The following PARD3B variants were observed in gnomAD, a reference collection of about 807,000 sequenced individuals.
The protein encoded by PARD3B is partitioning defective 3 homolog B.
PARD3B carries 103 observed loss-of-function variants against 130.2 expected under a neutral mutation model. That is an observed-to-expected ratio of 0.79 (90% CI 0.67 to 0.93). The LOEUF is 0.93. Ranked by LOEUF, PARD3B falls within the 40% of genes least tolerant of loss-of-function variation. The probability of loss-of-function intolerance (pLI) is 0.00; values close to 1 mark genes in which losing one functional copy is unlikely to be tolerated. For missense variants in PARD3B, 1,609 were observed against 1,499.2 expected, an observed-to-expected ratio of 1.07 and a Z score of -1.21; for synonymous variants, 583 against 553.2, an observed-to-expected ratio of 1.05 and a Z score of -0.76.
At chr2:204,739,671 C>G (rs1045839663) in intron 2 of PARD3B, among the ~76,000 whole-genome samples, 1 of 151,942 alleles carries the variant, frequency 6.6e-6, no homozygotes, top group Non-Finnish European at 1.5e-5. Context: ...GGAATGTTAC[C>G]CAGGCTGGTC....
rs189151517 is a variant in PARD3B, at chr2:204,900,540, T to G, written c.223-64612T>G. ...CTTCTCTGTGTTATCTTGAATTTCATTGAGTTTCCTCAAAACAGCTATTTT... is the reference window on the plus strand; with the variant it reads ...CTTCTCTGTGTTATCTTGAATTTCAGTGAGTTTCCTCAAAACAGCTATTTT... On this transcript the variant is annotated intron_variant, in intron 2 of 22. Transcript: ENST00000406610. Among the ~76,000 whole-genome samples, 4 of 152,254 alleles carry G rather than the reference T, an allele frequency of 2.6e-5. No individual in the cohort carries two copies. The East Asian group carries it at 7.7e-4, about 29-fold the overall frequency.
intron 21 of PARD3B, among the ~76,000 whole-genome samples, chr2:205,504,752 A>G (rs372755306): frequency 1.7e-4 from 26 of 152,244 alleles, no homozygotes; most frequent in African/African-American, 4.8e-4. Context: ...AGGTGCTGGA[A>G]AGGATGTGGA....
intron 1 of PARD3B, among the ~76,000 whole-genome samples, chr2:204,637,118 A>G (rs1043262721): frequency 1.3e-5 from 2 of 152,060 alleles, no homozygotes; most frequent in Admixed American, 6.6e-5. Context: ...ATTTTTGTAC[A>G]ATTAATCTGG....
chr2:205,512,362 G>T (rs2050619799), intron 21 of PARD3B, among the ~76,000 whole-genome samples: 1 of 152,074 alleles, frequency 6.6e-6, no homozygotes, highest in Admixed American at 6.6e-5. Context: ...ATATAATGTT[G>T]CTGTTATAAA....
At chr2:205,217,506 A>C (rs1461045016) in intron 15 of PARD3B, among the ~76,000 whole-genome samples, 1 of 152,144 alleles carries the variant, frequency 6.6e-6, no homozygotes, top group African/African-American at 2.4e-5. Context: ...AGAGAATCAT[A>C]GTACCATCTT....
At position 204,610,440 on chromosome 2, in the gene PARD3B, C is replaced by T. The variant is rs111270031; in HGVS notation, c.120+64321C>T. 6.4e-3 allele frequency among the ~76,000 whole-genome samples: 976 copies of T among 152,276 alleles called. 6 individuals carry two copies. The highest frequency in any genetic ancestry group is 0.023 in the African/African-American group (941 of 41,548). On this transcript the variant is annotated intron_variant, in intron 1 of 22. Transcript: ENST00000406610. The surrounding 1 kb of genome is among the most constrained non-coding windows in gnomAD (Gnocchi z 4.1). ...GCACGGTCTTGGCTTACTGCAACCT[C>T]GACCTCCCATGTTAAAGCGATTCTC... is the stretch of plus-strand genomic sequence containing the variant.
intron 2 of PARD3B, among the ~76,000 whole-genome samples, chr2:204,896,098 C>A (rs977159487): frequency 6.6e-6 from 1 of 152,156 alleles, no homozygotes; most frequent in African/African-American, 2.4e-5. Context: ...AAGTTTTCTG[C>A]TGTGGGACCT....
At chr2:205,231,892 C>T (rs1179238974) in intron 15 of PARD3B, among the ~76,000 whole-genome samples, 1 of 152,072 alleles carries the variant, frequency 6.6e-6, no homozygotes, top group Non-Finnish European at 1.5e-5. Context: ...AGGGAACTAC[C>T]AAGGCTAGGC....
intron 1 of PARD3B, among the ~76,000 whole-genome samples, chr2:204,648,360 A>G (rs1298840984): frequency 6.6e-6 from 1 of 150,656 alleles, no homozygotes; most frequent in Non-Finnish European, 1.5e-5. Flanking sequence ...TTAGATGCCC[A>G]CTGGTGGTAT....
intron 4 of PARD3B, among the ~76,000 whole-genome samples, chr2:205,080,114 A>G (rs923063946): frequency 4.6e-5 from 7 of 152,128 alleles, no homozygotes; most frequent in African/African-American, 7.2e-5. Flanking sequence ...CCTGGCTCCT[A>G]TTTTGTTTCA....
intron 22 of PARD3B, among the ~76,000 whole-genome samples, chr2:205,576,747 C>A (rs182343268): frequency 1.4e-4 from 22 of 152,150 alleles, no homozygotes; most frequent in Admixed American, 9.8e-4. Context: ...TAAGTTTATT[C>A]TTCTCCTTCA....
At chr2:205,422,099 T>C (rs768249930) in intron 19 of PARD3B, among the ~76,000 whole-genome samples, 1 of 152,074 alleles carries the variant, frequency 6.6e-6, no homozygotes, top group Non-Finnish European at 1.5e-5. Flanking sequence ...GAAAATAAAC[T>C]AGAGCAATGT....
chr2:205,255,827 C>G (rs2040058727), intron 16 of PARD3B, among the ~76,000 whole-genome samples: 1 of 152,132 alleles, frequency 6.6e-6, no homozygotes, highest in Admixed American at 6.5e-5. Context: ...AATCTAGGAG[C>G]TTTCCAAACC....
chr2:204,880,710 A>G (rs1427279891), intron 2 of PARD3B, among the ~76,000 whole-genome samples: 1 of 150,768 alleles, frequency 6.6e-6, no homozygotes, highest in Admixed American at 6.6e-5. Context: ...AAGCCCTGTT[A>G]TCTCCAAGAA....
chr2:205,330,034 T>TAAATAAATAAATAAAA (rs1331609889), intron 18 of PARD3B, among the ~76,000 whole-genome samples: 1 of 3,616 alleles, frequency 2.8e-4, no homozygotes, highest in Non-Finnish European at 1.1e-3. Flanking sequence ...AATAAATAAA[T>TAAATAAATAAATAAAA]AAAATAAAAT....
In PARD3B at chr2:205,288,214, CAT is replaced by C. The variant is rs1348829123; in HGVS notation, c.2186-12314_2186-12313del. Among the ~76,000 whole-genome samples the C allele has an allele frequency of 6.6e-6, 1 of 152,118 alleles. No homozygotes were observed. The highest frequency in any genetic ancestry group is 1.5e-5 in the Non-Finnish European group (1 of 68,030). On this transcript the variant is annotated intron_variant, in intron 16 of 22. Transcript: ENST00000406610. This position sits in a 1 kb window ranked among gnomAD's most constrained non-coding sequence, Gnocchi z 4.0. ...GCCCCCTGTCCCGTCCACCCAGACA[CAT>C]AACCCTGAGCACCTCCTGGCTCCCA...
chr2:204,877,040 G>A (rs10174342), intron 2 of PARD3B, among the ~76,000 whole-genome samples: 39,062 of 151,822 alleles, frequency 0.26, 8,676 homozygotes, highest in African/African-American at 0.61. Context: ...TGGCACATAT[G>A]CACCATGGAA....
chr2:205,117,150 C>G (rs2029900134), intron 6 of PARD3B, among the ~76,000 whole-genome samples: 1 of 152,126 alleles, frequency 6.6e-6, no homozygotes, highest in African/African-American at 2.4e-5. Flanking sequence ...AAAATGTGAA[C>G]TCTTAGGATG....
intron 4 of PARD3B, among the ~76,000 whole-genome samples, chr2:205,057,502 CAT>C (rs1490310606): frequency 7.3e-6 from 1 of 137,908 alleles, no homozygotes; most frequent in African/African-American, 2.8e-5. Flanking sequence ...TGTATATATA[CAT>C]ATATGTGTAT....
Sources: allele counts gnomAD v4.1 joint callset (sites outside exome capture counted in the v4.1 genomes callset), GRCh38; gene constraint gnomAD v4.1.1; non-coding constraint Gnocchi (gnomAD v3.1); transcripts MANE v1.5; gene names NCBI Gene and HGNC (gene_info 2026-07-23, HGNC 2026-07-21).